The following SLC14A2 variants were observed in gnomAD, a reference collection of about 807,000 sequenced individuals.
The protein encoded by SLC14A2 is solute carrier family 14 member 2.
A neutral mutation model predicts 104.6 loss-of-function variants in SLC14A2; 91 were observed. The observed-to-expected ratio is 0.87, with a 90% CI of 0.73 to 1.04. SLC14A2 has a LOEUF of 1.04. Among genes scored for constraint, SLC14A2 ranks in the 50% least tolerant of loss-of-function variants. The probability of loss-of-function intolerance (pLI) is 0.00; values close to 1 mark genes in which losing one functional copy is unlikely to be tolerated. For synonymous variants in SLC14A2, 476 were observed against 466.4 expected (o/e 1.02, Z -0.27); for missense variants, 1,189 against 1,156.0 (o/e 1.03, Z -0.41).
At position 45,252,125 on chromosome 18, in the gene SLC14A2, G is replaced by A. The variant is rs146867803; in HGVS notation, c.-125+38934G>A. 9.8e-4 allele frequency among the ~76,000 whole-genome samples: 149 copies of A among 152,288 alleles called. 3 individuals carry two copies. The East Asian group carries it at 0.026, about 27-fold the overall frequency. On this transcript the variant is annotated intron_variant, in intron 1 of 20. Coordinates refer to the SLC14A2 transcript ENST00000586448. ...CAGCAATGAGAATCCTACCAAGGGT[G>A]TGCTGAGTTTCATGTTGAGCTCTGG...
intron 2 of SLC14A2, among the ~76,000 whole-genome samples, chr18:45,551,051 G>A (rs1263969706): frequency 6.6e-6 from 1 of 152,194 alleles, no homozygotes; most frequent in Non-Finnish European, 1.5e-5. Context: ...TGTCCCTAGA[G>A]TAAGGAAAAA....
chr18:45,458,029 A>T (rs1374461335), intron 1 of SLC14A2, among the ~76,000 whole-genome samples: 7 of 152,162 alleles, frequency 4.6e-5, no homozygotes, highest in Admixed American at 2.6e-4. Flanking sequence ...TGGAAAAAAA[A>T]TGCTGATGTG....
intron 10 of SLC14A2, chr18:45,646,798 T>G (rs2045634037): frequency 6.6e-6 from 1 of 151,914 alleles, no homozygotes; most frequent in African/African-American, 2.4e-5. Context: ...TCTCTAAACT[T>G]ACAGATTCAC....
At chr18:45,335,418 T>A (rs1204059441) in intron 1 of SLC14A2, among the ~76,000 whole-genome samples, 1 of 152,234 alleles carries the variant, frequency 6.6e-6, no homozygotes, top group African/African-American at 2.4e-5. Flanking sequence ...GAAGGTAGAT[T>A]GATTGACTGC....
chr18:45,498,840 C>A (rs893218775), intron 2 of SLC14A2, among the ~76,000 whole-genome samples: 2 of 152,202 alleles, frequency 1.3e-5, no homozygotes, highest in African/African-American at 4.8e-5. Flanking sequence ...AAGGTTTCTG[C>A]ACTCACTGTC....
intron 2 of SLC14A2, among the ~76,000 whole-genome samples, chr18:45,539,887 A>C (rs2043858473): frequency 6.9e-6 from 1 of 145,768 alleles, no homozygotes; most frequent in Non-Finnish European, 1.5e-5. Flanking sequence ...AAAAAAAATG[A>C]AAAGAGTAAA....
chr18:45,578,216 T>A (rs150520282), intron 2 of SLC14A2, among the ~76,000 whole-genome samples: 2 of 152,322 alleles, frequency 1.3e-5, no homozygotes, highest in Admixed American at 6.5e-5. Flanking sequence ...ACCATCACCC[T>A]CTCTACAACA....
At chr18:45,622,923 C>T (rs558519567) in intron 1 of SLC14A2, among the ~76,000 whole-genome samples, 11 of 152,272 alleles carry the variant, frequency 7.2e-5, no homozygotes, top group African/African-American at 2.2e-4. Flanking sequence ...GCAATCTACT[C>T]GGTTATTACC....
intron 1 of SLC14A2, among the ~76,000 whole-genome samples, chr18:45,414,757 A>AAAAATATATATATATATATATATAT (rs1360051908): frequency 3.9e-5 from 3 of 76,096 alleles, no homozygotes; most frequent in African/African-American, 2.3e-4. Context: ...AAAAAAAAAA[A>AAAAATATATATATATATATATATAT]ATATATATAT....
intron 1 of SLC14A2, among the ~76,000 whole-genome samples, chr18:45,281,444 C>T (rs901045506): frequency 3.3e-5 from 5 of 152,164 alleles, no homozygotes; most frequent in East Asian, 1.9e-4. Context: ...AACAAAATGT[C>T]GGAGATCATT....
chr18:45,627,902 C>T (rs1032314703), intron 4 of SLC14A2, among the ~76,000 whole-genome samples: 5 of 149,064 alleles, frequency 3.4e-5, no homozygotes, highest in African/African-American at 1.2e-4. Flanking sequence ...CCCAGCTACT[C>T]GGAAGGCTGA....
chr18:45,331,307 C>T (rs2085287523), intron 1 of SLC14A2, among the ~76,000 whole-genome samples: 1 of 152,210 alleles, frequency 6.6e-6, no homozygotes, highest in Admixed American at 6.5e-5. Flanking sequence ...AAAATTTTGA[C>T]AAGCAGCATG....
intron 10 of SLC14A2, among the ~76,000 whole-genome samples, chr18:45,658,833 C>A (rs7238939): frequency 0.043 from 6,491 of 152,074 alleles, 436 homozygotes; most frequent in African/African-American, 0.15. Context: ...GAGTTAGAGG[C>A]ATGAGTCCTT....
rs2086641079 is a variant in SLC14A2 at position 45,439,004 on chromosome 18, C to A, written c.-124-44229C>A. Among the ~76,000 whole-genome samples, 3 of 152,268 alleles carry A rather than the reference C, an allele frequency of 2.0e-5. No individual in the cohort carries two copies. In the South Asian group the frequency reaches 6.2e-4, roughly 32 times the overall value. ...GCCCTGGTATTAAAACCCAGACAGG[C>A]TAGACATGATAGATTATGCCTGTAA... On this transcript the variant is annotated intron_variant, in intron 1 of 20. Transcript: ENST00000586448.
chr18:45,642,815 G>A (rs141603685), intron 8 of SLC14A2, among the ~76,000 whole-genome samples: 128 of 152,356 alleles, frequency 8.4e-4, no homozygotes, highest in African/African-American at 2.9e-3. Flanking sequence ...TACCATCAGC[G>A]TAGACTAGCA....
intron 1 of SLC14A2, among the ~76,000 whole-genome samples, chr18:45,383,391 C>G (rs867678768): frequency 1.6e-4 from 25 of 152,132 alleles, no homozygotes; most frequent in Admixed American, 1.6e-3. Context: ...AGAATTCCAC[C>G]AAGCTCATAG....
intron 2 of SLC14A2, among the ~76,000 whole-genome samples, chr18:45,531,421 G>A (rs1411477279): frequency 6.6e-6 from 1 of 152,118 alleles, no homozygotes; most frequent in African/African-American, 2.4e-5. Context: ...GTCTCATTGT[G>A]GTTTTGATTT....
intron 1 of SLC14A2, among the ~76,000 whole-genome samples, chr18:45,339,961 T>C (rs969363782): frequency 1.3e-5 from 2 of 152,164 alleles, no homozygotes; most frequent in Non-Finnish European, 2.9e-5. Flanking sequence ...AAGGAAAACG[T>C]GAAGAAGCTG....
chr18:45,635,031 AG>A, intron 5 of SLC14A2: 1 of 341,462 alleles, frequency 2.9e-6, no homozygotes, highest in Non-Finnish European at 5.8e-6. Flanking sequence ...AAAACCAAGG[AG>A]AGGAAAAAAA....
Sources: gnomAD v4.1 joint callset for allele counts (sites outside exome capture counted in the v4.1 genomes callset) on GRCh38, gnomAD v4.1.1 for gene constraint, MANE v1.5 for transcripts, NCBI Gene and HGNC (gene_info 2026-07-23, HGNC 2026-07-21) for gene names.